The following NREP variants were observed in gnomAD, a reference collection of about 807,000 sequenced individuals.
The protein encoded by NREP is neuronal regeneration-related protein.
NREP carries 5 observed loss-of-function variants against 8.6 expected under a neutral mutation model. The ratio of observed to expected loss-of-function variants is 0.58; its 90% confidence interval spans 0.30 to 1.22. The LOEUF (loss-of-function observed/expected upper bound fraction) is 1.22, where lower values mean the gene tolerates loss of function less well. Among genes scored for constraint, NREP ranks in the 50% most tolerant of loss-of-function variants. NREP has a pLI of 0.07. For synonymous variants in NREP, 27 were observed against 28.0 expected (o/e 0.96, Z 0.11); for missense variants, 86 against 82.5 (o/e 1.04, Z -0.17).
intron 2 of NREP, among the ~76,000 whole-genome samples, chr5:111,745,377 C>G (rs1749937707): frequency 6.6e-6 from 1 of 152,164 alleles, no homozygotes; most frequent in African/African-American, 2.4e-5. Flanking sequence ...GACTTTGGAT[C>G]TAATTAAACC....
intron 2 of NREP, among the ~76,000 whole-genome samples, chr5:111,739,988 A>G (rs991090721): frequency 2.6e-5 from 4 of 152,152 alleles, no homozygotes; most frequent in African/African-American, 9.7e-5. Context: ...CGTACCTTCA[A>G]CAATTGAGAA....
chr5:111,755,655 T>A, intron 2 of NREP, 115 bp downstream of exon 2: 1 of 1,166,094 alleles, frequency 8.6e-7, no homozygotes, highest in Non-Finnish European at 1.3e-6. Context: ...CTTTTAAAGG[T>A]CAGATGGGGT....
At chr5:111,785,907 G>A (rs373061510) in intron 2 of NREP, among the ~76,000 whole-genome samples, 23 of 152,166 alleles carry the variant, frequency 1.5e-4, no homozygotes, top group African/African-American at 5.3e-4. Flanking sequence ...TGGATAGGGA[G>A]AGGGAAGAGG....
chr5:111,964,264 A>G (rs1756564700), intron 2 of NREP, among the ~76,000 whole-genome samples: 1 of 152,254 alleles, frequency 6.6e-6, no homozygotes. Flanking sequence ...GAGATTTAAC[A>G]AAGTTGATGT....
At chr5:111,825,934 A>G (rs956449142) in intron 2 of NREP, among the ~76,000 whole-genome samples, 1 of 151,692 alleles carries the variant, frequency 6.6e-6, no homozygotes, top group African/African-American at 2.4e-5. Flanking sequence ...GAGTGTGGAA[A>G]TATAATCTTT....
intron 2 of NREP, among the ~76,000 whole-genome samples, chr5:111,951,604 T>A (rs1217706150): frequency 6.6e-6 from 1 of 152,076 alleles, no homozygotes; most frequent in African/African-American, 2.4e-5. Context: ...GGGTATAAAC[T>A]TAGCAGTCAC....
intron 2 of NREP, among the ~76,000 whole-genome samples, chr5:111,794,375 T>C (rs1226326674): frequency 6.6e-6 from 1 of 152,202 alleles, no homozygotes; most frequent in Non-Finnish European, 1.5e-5. Flanking sequence ...ACAAGGATGT[T>C]CATATTAACA....
intron 2 of NREP, among the ~76,000 whole-genome samples, chr5:111,820,990 C>T (rs1418024188): frequency 6.6e-6 from 1 of 152,144 alleles, no homozygotes; most frequent in African/African-American, 2.4e-5. Flanking sequence ...AATATAAAGA[C>T]AGTCCTCTGA....
intron 2 of NREP, among the ~76,000 whole-genome samples, chr5:111,767,808 G>T (rs750822889): frequency 6.6e-6 from 1 of 152,060 alleles, no homozygotes; most frequent in Non-Finnish European, 1.5e-5. Flanking sequence ...TGGAACTACA[G>T]GCTTGTGCCG....
intron 2 of NREP, among the ~76,000 whole-genome samples, chr5:111,752,948 A>T (rs1275452191): frequency 2.0e-5 from 3 of 152,186 alleles, no homozygotes; most frequent in Non-Finnish European, 4.4e-5. Flanking sequence ...TGCCTTTAAA[A>T]TAGAATACCT....
intron 2 of NREP, among the ~76,000 whole-genome samples, chr5:111,791,954 G>A (rs1271007183): frequency 6.6e-6 from 1 of 152,090 alleles, no homozygotes; most frequent in Non-Finnish European, 1.5e-5. Flanking sequence ...CCACTTCAAA[G>A]GATTGTTATA....
intron 2 of NREP, among the ~76,000 whole-genome samples, chr5:111,773,374 T>C (rs1302286710): frequency 6.6e-6 from 1 of 152,200 alleles, no homozygotes; most frequent in East Asian, 1.9e-4. Flanking sequence ...TACTAATTGG[T>C]CCTTGGCCAC....
intron 2 of NREP, among the ~76,000 whole-genome samples, chr5:111,948,027 C>A (rs1756040173): frequency 6.6e-6 from 1 of 151,980 alleles, no homozygotes; most frequent in Admixed American, 6.6e-5. Flanking sequence ...TTCCAAGAAC[C>A]ATATTAAATT....
intron 2 of NREP, among the ~76,000 whole-genome samples, chr5:111,814,810 T>C (rs1752347945): frequency 6.6e-6 from 1 of 152,032 alleles, no homozygotes; most frequent in Admixed American, 6.6e-5. Context: ...GAGAAGAAAC[T>C]GGTTGGTCTG....
At chr5:111,811,468 C>A (rs1435048475) in intron 2 of NREP, among the ~76,000 whole-genome samples, 1 of 152,130 alleles carries the variant, frequency 6.6e-6, no homozygotes, top group Non-Finnish European at 1.5e-5. Flanking sequence ...TCAACGAAGA[C>A]TTTGCTATAC....
intron 2 of NREP, among the ~76,000 whole-genome samples, chr5:111,938,048 C>T (rs1480667101): frequency 6.6e-6 from 1 of 152,052 alleles, no homozygotes; most frequent in African/African-American, 2.4e-5. Flanking sequence ...TCCATTCTGG[C>T]TCAGCTTTCC....
At chr5:111,769,450 G>C (rs554133824) in intron 2 of NREP, among the ~76,000 whole-genome samples, 1 of 152,320 alleles carries the variant, frequency 6.6e-6, no homozygotes, top group African/African-American at 2.4e-5. Context: ...CCTGGGGGGA[G>C]GGTGAGGAAA....
chr5:111,819,091 G>T (rs1475196625), intron 2 of NREP, among the ~76,000 whole-genome samples: 2 of 151,960 alleles, frequency 1.3e-5, no homozygotes, highest in East Asian at 3.9e-4. Flanking sequence ...TAACTTCCTG[G>T]TTCTCTTTAC....
At chr5:111,916,539 C>T (rs549065970) in intron 2 of NREP, among the ~76,000 whole-genome samples, 43 of 152,210 alleles carry the variant, frequency 2.8e-4, no homozygotes, top group South Asian at 6.2e-4. Flanking sequence ...TGATTGTATC[C>T]GACTGTTTAA....
Sources: allele counts gnomAD v4.1 joint callset (sites outside exome capture counted in the v4.1 genomes callset), GRCh38; gene constraint gnomAD v4.1.1; transcripts MANE v1.5; gene names NCBI Gene and HGNC (gene_info 2026-07-23, HGNC 2026-07-21).